YAF2: variants seen among roughly 807,000 people sequenced by gnomAD.
YAF2 encodes YY1 associated factor 2.
YAF2 carries 7 observed loss-of-function variants against 20.1 expected under a neutral mutation model. That is an observed-to-expected ratio of 0.35 (90% CI 0.20 to 0.65). The LOEUF (loss-of-function observed/expected upper bound fraction) is 0.65. YAF2 is among the 30% of genes least tolerant of loss of function. The pLI is 0.69. For missense variants in YAF2, 151 were observed against 219.2 expected (o/e 0.69, Z 1.96); for synonymous variants, 74 against 76.0 (o/e 0.97, Z 0.14).
At chr12:42,203,977 C>T (rs1299162613) in intron 2 of YAF2, among the ~76,000 whole-genome samples, 2 of 152,212 alleles carry the variant, frequency 1.3e-5, no homozygotes, top group South Asian at 2.1e-4. Context: ...TTGCTTGAGG[C>T]CAGTTTGAAG....
intron 2 of YAF2, among the ~76,000 whole-genome samples, chr12:42,199,876 C>T (rs2137150802): frequency 6.6e-6 from 1 of 152,176 alleles, no homozygotes; most frequent in African/African-American, 2.4e-5. Flanking sequence ...AAACATTACT[C>T]AAGTCAGAGT....
At chr12:42,205,810 T>A (rs2067025044) in intron 2 of YAF2, 4 of 302,382 alleles carry the variant, frequency 1.3e-5, no homozygotes, top group African/African-American at 8.8e-5. Flanking sequence ...ATCTAATACA[T>A]TCATTAAAGA....
At chr12:42,179,270 G>A (rs1400281966) in intron 2 of YAF2, among the ~76,000 whole-genome samples, 2 of 152,158 alleles carry the variant, frequency 1.3e-5, no homozygotes, top group Admixed American at 1.3e-4. Flanking sequence ...AGGAGTTCGA[G>A]ATCAGCCTGG....
intron 2 of YAF2, among the ~76,000 whole-genome samples, chr12:42,226,859 G>A (rs1434043860): frequency 4.0e-5 from 6 of 150,906 alleles, no homozygotes; most frequent in Non-Finnish European, 7.4e-5. Context: ...AGGTCGCGGC[G>A]CCGGAGGCCC....
intron 2 of YAF2, among the ~76,000 whole-genome samples, chr12:42,226,661 C>G (rs1332493569): frequency 6.6e-6 from 1 of 152,088 alleles, no homozygotes; most frequent in Non-Finnish European, 1.5e-5. Context: ...GAAACCCTGT[C>G]TCAGAAAATA....
chr12:42,174,212 T>C lies in YAF2; in HGVS notation c.153-12447A>G, dbSNP rs2066125202. Among the ~76,000 whole-genome samples the C allele has an allele frequency of 2.0e-5, 3 of 152,136 alleles. No homozygotes were observed. The South Asian group carries it at 6.2e-4, about 32-fold the overall frequency. On this transcript the variant is annotated intron_variant, in intron 2 of 3. Coordinates refer to ENST00000534854, the MANE Select transcript of YAF2 (RefSeq NM_005748.6). ...AATTTTCTATACTCACTCTATACTT[T>C]TCCCACTCTCTCTCAGGCTCACATT...
chr12:42,175,772 T>TAAAAAAAAAAAAAAAAAAA (rs1277338221), intron 2 of YAF2, among the ~76,000 whole-genome samples: 42 of 88,846 alleles, frequency 4.7e-4, no homozygotes, highest in Non-Finnish European at 8.0e-4. Flanking sequence ...AAAAAAAAAT[T>TAAAAAAAAAAAAAAAAAAA]AAAACAGGAA....
chr12:42,191,374 C>CTT (rs201603450), intron 2 of YAF2, among the ~76,000 whole-genome samples: 2 of 151,386 alleles, frequency 1.3e-5, no homozygotes, highest in African/African-American at 4.9e-5. Context: ...AATCCACTGA[C>CTT]TTTTTTTTTG....
At chr12:42,182,294 T>C (rs1051176211) in intron 2 of YAF2, among the ~76,000 whole-genome samples, 11 of 152,298 alleles carry the variant, frequency 7.2e-5, no homozygotes, top group African/African-American at 2.4e-4. Flanking sequence ...ATAATGCTGA[T>C]AGCATGCAAT....
At chr12:42,235,860 C>T (rs1460736784) in intron 2 of YAF2, 2 of 1,535,848 alleles carry the variant, frequency 1.3e-6, no homozygotes, top group Admixed American at 3.9e-5. Context: ...TACTATATTC[C>T]TTCTTCTTCC....
chr12:42,176,702 C>G (rs1565606747), intron 2 of YAF2, among the ~76,000 whole-genome samples: 1 of 152,130 alleles, frequency 6.6e-6, no homozygotes, highest in Admixed American at 6.6e-5. Context: ...TGGCTCACAT[C>G]TGTAATCTCA....
rs549565442 is a variant in YAF2, at chr12:42,218,687, C to T, written c.152+18912G>A. 4.6e-5 allele frequency among the ~76,000 whole-genome samples: 7 copies of T among 151,952 alleles called. 1 individual carries two copies. The highest frequency in any genetic ancestry group is 1.4e-4 in the African/African-American group (6 of 41,434). On this transcript the variant is annotated intron_variant, in intron 2 of 3. Coordinates refer to ENST00000534854, the MANE Select transcript of YAF2 (RefSeq NM_005748.6). ...CTATCTTTTGGGATTATGACTGGCT[C>T]CCAAAATAATCTTATTAAATGTTAT...
At chr12:42,168,221 C>T (rs945794392) in intron 2 of YAF2, among the ~76,000 whole-genome samples, 4 of 149,590 alleles carry the variant, frequency 2.7e-5, no homozygotes, top group East Asian at 2.0e-4. Flanking sequence ...TTTTGTTGCC[C>T]GGGCTGGAGT....
At chr12:42,237,423 C>T (rs2068204234) in intron 2 of YAF2, 176 bp downstream of exon 2, 1 of 1,299,054 alleles carries the variant, frequency 7.7e-7, no homozygotes, top group African/African-American at 1.6e-5. Flanking sequence ...TACCCCTCAC[C>T]GCAAACCATC....
chr12:42,234,189 AAAGAG>A (rs1197227754), intron 2 of YAF2: 464 of 878,072 alleles, frequency 5.3e-4, no homozygotes, highest in African/African-American at 9.6e-4. Context: ...TCAAAAAAAA[AAAGAG>A]AAAAGAAAAG....
chr12:42,234,287 C>T (rs2068076307), intron 2 of YAF2: 3 of 985,142 alleles, frequency 3.0e-6, no homozygotes, highest in Non-Finnish European at 3.6e-6. Context: ...AATGTGTCAC[C>T]GTGGCATTTT....
chr12:42,190,275 CAGA>C (rs1166894993), intron 2 of YAF2, among the ~76,000 whole-genome samples: 2 of 152,122 alleles, frequency 1.3e-5, no homozygotes, highest in African/African-American at 4.8e-5. Context: ...GCCTGGGAAG[CAGA>C]AGGTGCAGTG....
At chr12:42,198,443 A>G (rs1472524576) in intron 2 of YAF2, among the ~76,000 whole-genome samples, 1 of 152,100 alleles carries the variant, frequency 6.6e-6, no homozygotes, top group African/African-American at 2.4e-5. Flanking sequence ...AAATTGGCCA[A>G]GTGTTGATGG....
At chr12:42,191,951 G>T (rs971721072) in intron 2 of YAF2, among the ~76,000 whole-genome samples, 5 of 151,706 alleles carry the variant, frequency 3.3e-5, no homozygotes, top group African/African-American at 1.2e-4. Context: ...TTAGCCAGAC[G>T]TGCTCACTTG....
Sources: gnomAD v4.1 joint callset for allele counts (sites outside exome capture counted in the v4.1 genomes callset) on GRCh38, gnomAD v4.1.1 for gene constraint, MANE v1.5 for transcripts, NCBI Gene and HGNC (gene_info 2026-07-23, HGNC 2026-07-21) for gene names.